FGF13: variants seen among roughly 807,000 people sequenced by gnomAD.
FGF13 encodes the protein fibroblast growth factor homologous factor 2.
Under a neutral mutation model 19.5 loss-of-function variants are expected in FGF13, and 2 were observed. The observed-to-expected ratio is 0.10, with a 90% CI of 0.04 to 0.32. The LOEUF is 0.32. Ranked by LOEUF, FGF13 falls within the 10% of genes least tolerant of loss-of-function variation. The pLI is 1.00. For missense variants in FGF13, 113 were observed against 192.7 expected, an observed-to-expected ratio of 0.59 and a Z score of 2.45; for synonymous variants, 72 against 76.9, an observed-to-expected ratio of 0.94 and a Z score of 0.33.
intron 1 of FGF13, among the ~76,000 whole-genome samples, chrX:138,982,822 A>G (rs746769914): frequency 8.0e-5 from 9 of 112,135 alleles, no homozygotes; most frequent in Middle Eastern, 4.6e-3. Flanking sequence ...CAATTTCTCC[A>G]TCTCTAAAAT....
upstream of FGF13, among the ~76,000 whole-genome samples, chrX:138,740,420 A>C (rs145869826): frequency 2.0e-4 from 22 of 112,015 alleles, no homozygotes; most frequent in South Asian, 1.1e-3. Flanking sequence ...ATTTTTTCAT[A>C]AGCTTCTCTG....
chrX:138,990,048 T>C (rs1321926646), intron 1 of FGF13, among the ~76,000 whole-genome samples: 1 of 112,245 alleles, frequency 8.9e-6, no homozygotes, highest in East Asian at 2.8e-4. Context: ...AAAAGAATCC[T>C]GCCTGAACAG....
chrX:138,718,815 C>T (rs1476641168), intron 1 of FGF13, among the ~76,000 whole-genome samples: 1 of 111,850 alleles, frequency 8.9e-6, no homozygotes, highest in Non-Finnish European at 1.9e-5. Context: ...TAAGCTCTCC[C>T]TTCTGCTTTA....
intron 1 of FGF13, among the ~76,000 whole-genome samples, chrX:139,138,576 G>A (rs1246346978): frequency 1.8e-5 from 2 of 110,940 alleles, no homozygotes; most frequent in Non-Finnish European, 3.8e-5. Flanking sequence ...AGCCACCAGA[G>A]CTCACTTAAT....
intron 1 of FGF13, among the ~76,000 whole-genome samples, chrX:138,893,640 A>G (rs935018445): frequency 1.4e-4 from 15 of 109,562 alleles, no homozygotes; most frequent in African/African-American, 5.0e-4. Context: ...AAGGGTAAGG[A>G]AAAAAAAACA....
At chrX:138,667,814 T>C (rs1569359047) in intron 3 of FGF13, 1 of 328,114 alleles carries the variant, frequency 3.0e-6, no homozygotes, top group Non-Finnish European at 6.3e-6. Context: ...TTCCACTCCA[T>C]ATTTTCTGTC....
upstream of FGF13, chrX:138,714,918 A>G (rs2090087618): frequency 9.0e-6 from 1 of 111,476 alleles, no homozygotes; most frequent in South Asian, 3.8e-4. Flanking sequence ...GGGAAGTAAT[A>G]AAGAATTCTC....
chrX:139,148,901 G>C (rs73633986), intron 1 of FGF13, among the ~76,000 whole-genome samples: 14,992 of 110,559 alleles, frequency 0.14, 1,995 homozygotes, highest in African/African-American at 0.42. Context: ...CCTGACCCCA[G>C]ACCCAGAACA....
At chrX:138,955,278 C>T (rs149313587) in intron 1 of FGF13, among the ~76,000 whole-genome samples, 3,163 of 112,521 alleles carry the variant, frequency 0.028, 119 homozygotes, top group African/African-American at 0.096. Context: ...CAACAGTTAT[C>T]GGCTAAACCA....
At chrX:138,686,625 A>C (rs1037607660) in intron 3 of FGF13, among the ~76,000 whole-genome samples, 1 of 112,063 alleles carries the variant, frequency 8.9e-6, no homozygotes, top group African/African-American at 3.2e-5. Flanking sequence ...GCCTCTATGC[A>C]AATGACACTG....
intron 1 of FGF13, among the ~76,000 whole-genome samples, chrX:139,102,096 GTTT>G (rs2083519341): frequency 1.8e-5 from 2 of 112,003 alleles, no homozygotes; most frequent in South Asian, 7.5e-4. Context: ...TCTTCTAGTT[GTTT>G]GTGTATGTGA....
chrX:138,692,049 AT>A (rs773174855), intron 3 of FGF13, among the ~76,000 whole-genome samples: 2 of 110,709 alleles, frequency 1.8e-5, no homozygotes, highest in Admixed American at 9.6e-5. Context: ...GTAGCTTCCA[AT>A]TTTTTTTCTT....
At chrX:139,173,987 A>G (rs1487887236) in intron 1 of FGF13, among the ~76,000 whole-genome samples, 1 of 112,353 alleles carries the variant, frequency 8.9e-6, no homozygotes, top group Non-Finnish European at 1.9e-5. Flanking sequence ...ACTGTCTTCC[A>G]CAATGGTTGA....
At chrX:138,860,485 TC>T (rs1424450303) in intron 2 of FGF13, among the ~76,000 whole-genome samples, 2 of 111,747 alleles carry the variant, frequency 1.8e-5, no homozygotes, top group Non-Finnish European at 3.8e-5. Context: ...TGCAATGTTT[TC>T]TGCCATTTTA....
intron 1 of FGF13, among the ~76,000 whole-genome samples, chrX:139,183,270 T>C (rs1288626245): frequency 8.9e-6 from 1 of 112,149 alleles, no homozygotes; most frequent in Non-Finnish European, 1.9e-5. Context: ...ACCTCCTCAA[T>C]ACAGAATCAA....
intron 1 of FGF13, among the ~76,000 whole-genome samples, chrX:139,160,348 G>C (rs974608335): frequency 3.2e-4 from 36 of 112,165 alleles, no homozygotes; most frequent in African/African-American, 1.2e-3. Context: ...GCAGTGTTTA[G>C]AGGGAAATTT....
At chrX:138,888,140 G>A (rs146793815) in intron 1 of FGF13, among the ~76,000 whole-genome samples, 4,849 of 111,989 alleles carry the variant, frequency 0.043, 278 homozygotes, top group African/African-American at 0.15. Context: ...TTGGCCATTT[G>A]CTAATCTACA....
chrX:139,172,829 T>C (rs1765936656), intron 1 of FGF13, among the ~76,000 whole-genome samples: 1 of 111,872 alleles, frequency 8.9e-6, no homozygotes. Flanking sequence ...CCCATGATGC[T>C]TTTTATATCC....
At chrX:138,665,279 C>T (rs192377258) in intron 3 of FGF13, among the ~76,000 whole-genome samples, 2 of 111,276 alleles carry the variant, frequency 1.8e-5, no homozygotes, top group South Asian at 3.8e-4. Flanking sequence ...AGGGATTCCA[C>T]GGCTACCTGG....
Sources: allele counts gnomAD v4.1 joint callset (sites outside exome capture counted in the v4.1 genomes callset), GRCh38; gene constraint gnomAD v4.1.1; transcripts MANE v1.5; gene names NCBI Gene and HGNC (gene_info 2026-07-23, HGNC 2026-07-21).